ACAD9: variants seen among roughly 807,000 people sequenced by gnomAD.
ACAD9 encodes acyl-CoA dehydrogenase family member 9, also known as complex I assembly factor ACAD9, mitochondrial.
In ACAD9, 53 loss-of-function variants were observed where a neutral mutation model predicts 70.2. The observed-to-expected ratio is 0.75, with a 90% confidence interval of 0.61 to 0.95. The LOEUF is 0.95. ACAD9 is among the 40% of genes least tolerant of loss of function. The probability of loss-of-function intolerance (pLI) is 0.00; values close to 1 mark genes in which losing one functional copy is unlikely to be tolerated. For missense variants in ACAD9, 777 were observed against 802.8 expected (o/e 0.97, Z 0.39); for synonymous variants, 313 against 312.1 (o/e 1.00, Z -0.03).
chr3:128,890,626 C>T (rs914816112), intron 2 of ACAD9, among the ~76,000 whole-genome samples: 5 of 151,664 alleles, frequency 3.3e-5, no homozygotes, highest in Admixed American at 6.6e-5. Context: ...GGCGTGAACC[C>T]GGGAGGCGGA....
At chr3:128,908,921 AGT>A (rs1398619038) in intron 13 of ACAD9, 50 bp from the exon 14 acceptor site, 10 of 1,613,468 alleles carry the variant, frequency 6.2e-6, no homozygotes, top group South Asian at 1.1e-5. Context: ...GTTGCTGGAC[AGT>A]GAGCGCCAGC....
At chr3:128,896,376 A>G in intron 4 of ACAD9, 60 bp from the exon 5 acceptor site, 7 of 1,521,352 alleles carry the variant, frequency 4.6e-6, no homozygotes, top group South Asian at 4.6e-5. Flanking sequence ...ATGTTTCACA[A>G]ACACCTCATG....
At chr3:128,893,415 A>T in intron 2 of ACAD9, 140 bp from the exon 3 acceptor site, 1 of 689,474 alleles carries the variant, frequency 1.5e-6, no homozygotes, top group Non-Finnish European at 2.5e-6. Flanking sequence ...AGGCCAAATG[A>T]CCATGACTAC....
chr3:128,887,608 C>CA (rs959301333), intron 2 of ACAD9, among the ~76,000 whole-genome samples: 25 of 114,764 alleles, frequency 2.2e-4, no homozygotes, highest in South Asian at 5.9e-4. Context: ...GACCCTGTCT[C>CA]AAAAAAAAAT....
intron 11 of ACAD9, 139 bp from the exon 12 acceptor site, chr3:128,905,982 A>T (rs1366329589): frequency 7.9e-6 from 9 of 1,143,750 alleles, no homozygotes; most frequent in African/African-American, 1.5e-5. Context: ...AAGGCAAAGG[A>T]CTTGACCACA....
rs1205215785 is a variant in ACAD9 at position 128,899,413 on chromosome 3, G to A, written c.760G>A (p.Val254Ile). Residue 254 changes from valine (V) to isoleucine (I), a missense_variant, in exon 7 of 18, where the codon GTC becomes ATC. Physicochemically the swap from Val to Ile is conservative, Grantham distance 29. Transcript: ENST00000308982. ...AFIVERDFGG[V>I]TNGKPEDKLG... Reference sequence around the variant, plus strand: ...CATAGTAGAAAGAGACTTTGGTGGAGTCACTAATGGGAAACCCGAAGATAA... The same window carrying A: ...CATAGTAGAAAGAGACTTTGGTGGAATCACTAATGGGAAACCCGAAGATAA... The A allele has an allele frequency of 6.2e-7, 1 of 1,614,136 alleles. No homozygotes were observed. Among genetic ancestry groups the A allele is most frequent in the Admixed American group, 1.7e-5 (1 of 60,008 alleles).
In ACAD9 at chr3:128,906,113, C is replaced by T. The variant is rs1184211941; in HGVS notation, c.1150-8C>T. The T allele has an allele frequency of 1.2e-5, 20 of 1,614,034 alleles. No homozygotes were observed. The highest frequency in any genetic ancestry group is 1.6e-5 in the Non-Finnish European group (19 of 1,180,036). ...CTTTTGGAAAGGATTCAGTGTGACA[C>T]CCCACAGGTGTTCAGCTCCGAGGCC... is the stretch of plus-strand genomic sequence containing the variant. On this transcript the variant is annotated splice_polypyrimidine_tract_variant and splice_region_variant and intron_variant, in intron 11 of 17. Transcript: ENST00000308982.
chr3:128,906,673 A>C (rs1935902600), intron 12 of ACAD9, among the ~76,000 whole-genome samples: 1 of 152,152 alleles, frequency 6.6e-6, no homozygotes, highest in Non-Finnish European at 1.5e-5. Flanking sequence ...GTTTGTCCCT[A>C]AGGGCAGGGT....
intron 8 of ACAD9, 21 bp downstream of exon 8, chr3:128,901,370 C>G (rs1314371098): frequency 1.2e-6 from 2 of 1,613,792 alleles, no homozygotes; most frequent in South Asian, 2.2e-5. Flanking sequence ...AGCCACAGCC[C>G]CTTGTACCAG....
intron 2 of ACAD9, among the ~76,000 whole-genome samples, chr3:128,889,519 T>C (rs970559949): frequency 2.6e-5 from 4 of 152,244 alleles, no homozygotes; most frequent in Non-Finnish European, 5.9e-5. Flanking sequence ...CGTCAAAGTT[T>C]CCTTGTGCCT....
intron 1 of ACAD9, among the ~76,000 whole-genome samples, chr3:128,884,093 C>G (rs1486034220): frequency 6.6e-6 from 1 of 152,176 alleles, no homozygotes; most frequent in African/African-American, 2.4e-5. Flanking sequence ...CTGTAGGGAT[C>G]GATGAGACTT....
intron 11 of ACAD9, among the ~76,000 whole-genome samples, chr3:128,905,345 G>A (rs1471057881): frequency 6.6e-6 from 1 of 152,156 alleles, no homozygotes; most frequent in African/African-American, 2.4e-5. Flanking sequence ...TGAGGGTGGA[G>A]GGTGTCATTT....
At chr3:128,889,617 G>A (rs1335014632) in intron 2 of ACAD9, among the ~76,000 whole-genome samples, 1 of 152,150 alleles carries the variant, frequency 6.6e-6, no homozygotes, top group African/African-American at 2.4e-5. Context: ...TATATTATGT[G>A]TGATTTTGTC....
chr3:128,910,204 A>C (rs1936111761), intron 16 of ACAD9, 55 bp downstream of exon 16: 19 of 1,610,250 alleles, frequency 1.2e-5, no homozygotes, highest in Non-Finnish European at 1.6e-5. Flanking sequence ...GTCCTGCTGC[A>C]CTTTAATGAA....
At position 128,908,204 on chromosome 3, in the gene ACAD9, G is replaced by A. The variant is rs781156571; in HGVS notation, c.1298G>A (p.Arg433Gln). The A allele has an allele frequency of 8.1e-6, 13 of 1,614,038 alleles. No homozygotes were observed. Among genetic ancestry groups the A allele is most frequent in the African/African-American group, 4.0e-5 (3 of 74,948 alleles). ...LIFEGTNEILRMYIALTGLQH... is the reference protein window; with the variant it reads ...LIFEGTNEILQMYIALTGLQH... ...CCACAGGGAACCAATGAGATTCTCC[G>A]GATGTACATCGCCCTGACGGGTCTG... The change falls in exon 13 of 18, where the codon CGG becomes CAG. Residue 433 changes from arginine to glutamine, a missense_variant. Physicochemically the swap from Arg to Gln is conservative, Grantham distance 43 (BLOSUM62 1). Coordinates refer to ENST00000308982, the MANE Select transcript of ACAD9 (RefSeq NM_014049.5).
intron 7 of ACAD9, 65 bp downstream of exon 7, chr3:128,899,526 GTGTGTGTGT>G (rs1559825773): frequency 1.7e-4 from 139 of 815,316 alleles, no homozygotes; most frequent in Non-Finnish European, 2.3e-4. Context: ...CTTTGACGGT[GTGTGTGTGT>G]GTGTGTGTGT....
intron 2 of ACAD9, among the ~76,000 whole-genome samples, chr3:128,888,437 G>A (rs1935316648): frequency 6.6e-6 from 1 of 152,092 alleles, no homozygotes; most frequent in Non-Finnish European, 1.5e-5. Context: ...AAATTAACCA[G>A]GTGTGTTGGT....
chr3:128,904,215 C>T (rs1935823703), intron 10 of ACAD9, 83 bp downstream of exon 10: 2 of 1,583,018 alleles, frequency 1.3e-6, no homozygotes. Context: ...GTACTGGTGA[C>T]TTCTGTGGTG....
chr3:128,891,165 A>G (rs1246602454), intron 2 of ACAD9, among the ~76,000 whole-genome samples: 4 of 152,060 alleles, frequency 2.6e-5, no homozygotes, highest in Non-Finnish European at 5.9e-5. Context: ...GGAAAAAAGG[A>G]TCTTGTAGTT....
Sources: allele counts gnomAD v4.1 joint callset (sites outside exome capture counted in the v4.1 genomes callset), GRCh38; gene constraint gnomAD v4.1.1; transcripts MANE v1.5; gene names NCBI Gene and HGNC (gene_info 2026-07-23, HGNC 2026-07-21).